ICA1: variants seen among roughly 807,000 people sequenced by gnomAD.
ICA1 encodes 69 kDa islet cell autoantigen.
A neutral mutation model predicts 71.0 loss-of-function variants in ICA1; 40 were observed. The ratio of observed to expected loss-of-function variants is 0.56; its 90% CI spans 0.44 to 0.73. The LOEUF is 0.73. Among genes scored for constraint, ICA1 ranks in the 30% least tolerant of loss-of-function variants. ICA1 has a pLI of 0.00. For synonymous variants in ICA1, 207 were observed against 209.5 expected (o/e 0.99, Z 0.10); for missense variants, 578 against 576.5 (o/e 1.00, Z -0.03).
In ICA1 at chr7:8,144,886, C is replaced by T. The variant is rs1004956545; in HGVS notation, c.805-914G>A. 2.0e-5 allele frequency among the ~76,000 whole-genome samples: 3 copies of T among 152,200 alleles called. No individual in the cohort carries two copies. The highest frequency in any genetic ancestry group is 4.4e-5 in the Non-Finnish European group (3 of 68,038). On this transcript the variant is annotated intron_variant, in intron 8 of 13. Coordinates refer to ENST00000402384, the MANE Select transcript of ICA1 (RefSeq NM_001136020.3). The surrounding 1 kb of genome is among the most constrained non-coding windows in gnomAD (Gnocchi z 4.5). ...CCTTCACCTTGTTTCTCCTGTCCTTCTCCTGCCTATCGTTCACTTGTCTGA... is the reference window on the plus strand; with the variant it reads ...CCTTCACCTTGTTTCTCCTGTCCTTTTCCTGCCTATCGTTCACTTGTCTGA...
intron 1 of ICA1, among the ~76,000 whole-genome samples, chr7:8,254,430 G>C (rs1809316177): frequency 1.3e-5 from 2 of 150,816 alleles, no homozygotes; most frequent in Admixed American, 1.3e-4. Context: ...GCAGCAAAGG[G>C]AAGCAGGCAG....
At chr7:8,243,647 T>C (rs1804812158) in intron 1 of ICA1, among the ~76,000 whole-genome samples, 1 of 152,240 alleles carries the variant, frequency 6.6e-6, no homozygotes, top group Non-Finnish European at 1.5e-5. Flanking sequence ...GCAGATGACA[T>C]GATTGTATAT....
intron 8 of ICA1, among the ~76,000 whole-genome samples, chr7:8,147,396 C>T (rs891977377): frequency 3.9e-5 from 6 of 152,108 alleles, no homozygotes; most frequent in Non-Finnish European, 4.4e-5. Flanking sequence ...GCTGCAGTTC[C>T]AACTATTTAA....
At chr7:8,258,778 C>T (rs1315555125) in intron 1 of ICA1, among the ~76,000 whole-genome samples, 1 of 152,178 alleles carries the variant, frequency 6.6e-6, no homozygotes, top group Non-Finnish European at 1.5e-5. Context: ...TGCTATAATA[C>T]TAAATAGTAA....
At chr7:8,157,032 G>T in intron 8 of ICA1, 84 bp downstream of exon 8, 2 of 1,610,788 alleles carry the variant, frequency 1.2e-6, no homozygotes, top group Non-Finnish European at 1.7e-6. Flanking sequence ...GAATAATGAT[G>T]CTTTCTGCAA....
chr7:8,237,320 G>A (rs933862626), intron 1 of ICA1, among the ~76,000 whole-genome samples: 2 of 152,064 alleles, frequency 1.3e-5, no homozygotes, highest in Non-Finnish European at 2.9e-5. Flanking sequence ...ACTTTAGTTA[G>A]CTTGAAATTT....
intron 6 of ICA1, among the ~76,000 whole-genome samples, chr7:8,198,520 G>T (rs1036391064): frequency 5.3e-5 from 8 of 152,140 alleles, no homozygotes; most frequent in Non-Finnish European, 1.2e-4. Flanking sequence ...TTGGATTTGG[G>T]TTTCATTTCA....
rs6972885 is a variant in ICA1, at chr7:8,141,656, T to A, written c.955+109A>T. The A allele has an allele frequency of 9.0e-6, 6 of 666,604 alleles. No homozygotes were observed. The Admixed American group carries it at 9.3e-5, about 10-fold the overall frequency. The allele number at this position is 666,604 out of a possible 1,614,324, so 41.3% of individuals were successfully genotyped here. A position where few individuals can be genotyped will look rare whatever the true frequency, so the allele number is the denominator to read the frequency against. ...AGGAAGCAAATTAGCCTTTTCTCAG[T>A]TGAAAAAGAAGAAAGGCCTAGGAGG... is the stretch of plus-strand genomic sequence containing the variant. On this transcript the variant is annotated intron_variant, in intron 10 of 13. Coordinates refer to ENST00000402384, the MANE Select transcript of ICA1 (RefSeq NM_001136020.3).
intron 1 of ICA1, among the ~76,000 whole-genome samples, chr7:8,254,134 A>T (rs1809193930): frequency 6.6e-6 from 1 of 152,186 alleles, no homozygotes; most frequent in Non-Finnish European, 1.5e-5. Context: ...GAACTGAGGG[A>T]AATTTGGGGA....
chr7:8,128,023 A>C lies in ICA1; in HGVS notation c.1180T>G (p.Trp394Gly). 6.2e-7 allele frequency: 1 copy of C among 1,614,108 alleles called. No individual in the cohort carries two copies. Among genetic ancestry groups the C allele is most frequent in the South Asian group, 1.1e-5 (1 of 91,084 alleles). Residue 394 changes from tryptophan (W) to glycine (G), a missense_variant, in exon 13 of 14, where the codon TGG becomes GGG. Coordinates refer to ENST00000402384, the MANE Select transcript of ICA1 (RefSeq NM_001136020.3). ...TGGCCGTCTCCAAACACAGCGGCCC[A>C]CTCTTTGCTGAACTCGCCCTCTTCC... is the stretch of plus-strand genomic sequence containing the variant. ...SLEEGEFSKE[W>G]AAVFGDGQVK... is the part of the protein sequence containing the mutation.
At chr7:8,182,841 G>C (rs1584983534) in intron 6 of ICA1, among the ~76,000 whole-genome samples, 1 of 152,170 alleles carries the variant, frequency 6.6e-6, no homozygotes, top group African/African-American at 2.4e-5. Flanking sequence ...CACTGTCACT[G>C]TAAGGTTGGC....
chr7:8,127,534 G>T (rs1789734897), intron 13 of ICA1, among the ~76,000 whole-genome samples: 1 of 152,158 alleles, frequency 6.6e-6, no homozygotes. Flanking sequence ...TGGGAACGTG[G>T]TGAACTCAGG....
chr7:8,182,098 A>G (rs975469687), intron 6 of ICA1, among the ~76,000 whole-genome samples: 10 of 152,050 alleles, frequency 6.6e-5, no homozygotes, highest in African/African-American at 2.4e-4. Flanking sequence ...CACATATCCT[A>G]CAACTCTGCC....
chr7:8,227,465 C>A (rs1019465404), intron 4 of ICA1, among the ~76,000 whole-genome samples: 2 of 152,092 alleles, frequency 1.3e-5, no homozygotes, highest in Non-Finnish European at 2.9e-5. Flanking sequence ...GGTCATGTGT[C>A]TTAATTTGCT....
chr7:8,204,478 A>C (rs12670131), intron 6 of ICA1, among the ~76,000 whole-genome samples: 70,215 of 152,194 alleles, frequency 0.46, 20,763 homozygotes, highest in African/African-American at 0.83. Context: ...AACTGTAGAG[A>C]ACTTTACCAA....
chr7:8,240,147 G>C (rs925085579), intron 1 of ICA1, among the ~76,000 whole-genome samples: 4 of 152,214 alleles, frequency 2.6e-5, no homozygotes, highest in Non-Finnish European at 5.9e-5. Context: ...AGTAGGGGCT[G>C]ACAGACACCT....
At chr7:8,169,807 A>G (rs1393559571) in intron 6 of ICA1, among the ~76,000 whole-genome samples, 3 of 151,788 alleles carry the variant, frequency 2.0e-5, no homozygotes, top group Admixed American at 2.0e-4. Flanking sequence ...CATTTTCTTA[A>G]TAGTGCCTTT....
In ICA1 at chr7:8,206,170, A is replaced by G. The variant is rs145325124; in HGVS notation, c.579+12135T>C. ...TCCGGATAAGCATAACTGCTTCTTG[A>G]AGTTCTCCTAGAACAGTGGAGGCTT... On this transcript the variant is annotated intron_variant, in intron 6 of 13. Coordinates refer to ENST00000402384, the MANE Select transcript of ICA1 (RefSeq NM_001136020.3). Among the ~76,000 whole-genome samples, 653 of 152,318 alleles carry G rather than the reference A, an allele frequency of 4.3e-3. 5 individuals carry two copies. Among genetic ancestry groups the G allele is most frequent in the African/African-American group, 0.015 (609 of 41,562 alleles).
intron 1 of ICA1, among the ~76,000 whole-genome samples, chr7:8,254,479 C>G (rs112747183): frequency 8.0e-5 from 12 of 149,132 alleles, no homozygotes; most frequent in Admixed American, 7.5e-4. Context: ...GCTCAGCTAA[C>G]AGCACCACAC....
Sources: gnomAD v4.1 joint callset for allele counts (sites outside exome capture counted in the v4.1 genomes callset) on GRCh38, gnomAD v4.1.1 for gene constraint, Gnocchi (gnomAD v3.1) non-coding constraint, MANE v1.5 for transcripts, NCBI Gene and HGNC (gene_info 2026-07-23, HGNC 2026-07-21) for gene names.